ACSM2A: variants seen among roughly 807,000 people sequenced by gnomAD.
ACSM2A encodes acyl-coenzyme A synthetase ACSM2A, mitochondrial.
ACSM2A carries 72 observed loss-of-function variants against 76.6 expected under a neutral mutation model. That is an observed-to-expected ratio of 0.94 (90% confidence interval 0.78 to 1.14). The LOEUF (loss-of-function observed/expected upper bound fraction) is 1.14, where lower values mean the gene tolerates loss of function less well. Among genes scored for constraint, ACSM2A ranks in the 50% most tolerant of loss-of-function variants. The pLI, the probability that ACSM2A is intolerant of heterozygous loss-of-function variation, is 0.00. For missense variants in ACSM2A, 684 were observed against 708.5 expected (o/e 0.97, Z 0.39); for synonymous variants, 249 against 255.9 (o/e 0.97, Z 0.26).
intron 1 of ACSM2A, among the ~76,000 whole-genome samples, chr16:20,455,953 A>G (rs2012128481): frequency 6.6e-6 from 1 of 151,060 alleles, no homozygotes; most frequent in Non-Finnish European, 1.5e-5. Context: ...GGGGGTGGAA[A>G]AAGACATTCC....
intron 3 of ACSM2A, among the ~76,000 whole-genome samples, chr16:20,466,875 C>G (rs1054581806): frequency 3.9e-5 from 6 of 152,172 alleles, no homozygotes; most frequent in African/African-American, 1.4e-4. Flanking sequence ...GACTCCTGAA[C>G]TATAATTCTA....
chr16:20,475,920 T>C lies in ACSM2A; in HGVS notation c.1098+147T>C, dbSNP rs974398507. ...TCTATGAAGGGACAGGTACTGAGTA[T>C]TGAAAATTCCGCACAGAACAAAAAA... On this transcript the variant is annotated intron_variant, in intron 8 of 13. Coordinates refer to ENST00000573854, the MANE Select transcript of ACSM2A (RefSeq NM_001308172.2). The C allele has an allele frequency of 1.9e-4, 288 of 1,496,566 alleles. No homozygotes were observed. In the African/African-American group the frequency reaches 3.6e-3, roughly 18 times the overall value. The allele number at this position is 1,496,566 out of a possible 1,614,324, so 92.7% of individuals were successfully genotyped here. A position where few individuals can be genotyped will look rare whatever the true frequency, so the allele number is the denominator to read the frequency against.
At chr16:20,458,984 T>C (rs2141689689) in intron 1 of ACSM2A, among the ~76,000 whole-genome samples, 1 of 147,434 alleles carries the variant, frequency 6.8e-6, no homozygotes, top group Admixed American at 6.9e-5. Flanking sequence ...AATGACTTAG[T>C]GGCATTCGCA....
At chr16:20,463,983 C>T (rs192821049) in intron 2 of ACSM2A, among the ~76,000 whole-genome samples, 36 of 152,210 alleles carry the variant, frequency 2.4e-4, no homozygotes, top group Middle Eastern at 3.4e-3. Flanking sequence ...ATTACTCTTA[C>T]GTTAAAACTT....
intron 13 of ACSM2A, among the ~76,000 whole-genome samples, chr16:20,486,249 G>A (rs1452756786): frequency 6.6e-6 from 1 of 152,236 alleles, no homozygotes; most frequent in Non-Finnish European, 1.5e-5. Flanking sequence ...CAAGGACCTG[G>A]CTAAAGCCAG....
chr16:20,475,016 C>T (rs1205400390), intron 6 of ACSM2A, among the ~76,000 whole-genome samples: 1 of 152,176 alleles, frequency 6.6e-6, no homozygotes, highest in African/African-American at 2.4e-5. Flanking sequence ...TGTGCTCAGG[C>T]AGCTGATCTT....
At chr16:20,463,776 T>C (rs997505280) in intron 2 of ACSM2A, among the ~76,000 whole-genome samples, 1 of 152,328 alleles carries the variant, frequency 6.6e-6, no homozygotes, top group African/African-American at 2.4e-5. Flanking sequence ...AGTATTTGGT[T>C]TTTTGTGTCT....
chr16:20,463,628 A>T (rs2012773482), intron 2 of ACSM2A, among the ~76,000 whole-genome samples: 1 of 152,144 alleles, frequency 6.6e-6, no homozygotes, highest in Non-Finnish European at 1.5e-5. Flanking sequence ...AGCAGATGCC[A>T]GCACCATGCT....
At chr16:20,459,242 C>T (rs1402687093) in intron 1 of ACSM2A, among the ~76,000 whole-genome samples, 1 of 151,788 alleles carries the variant, frequency 6.6e-6, no homozygotes, top group Non-Finnish European at 1.5e-5. Flanking sequence ...GATGGGTGCA[C>T]AACAATGTCA....
At chr16:20,464,745 A>T (rs1247037736) in intron 2 of ACSM2A, among the ~76,000 whole-genome samples, 1 of 152,104 alleles carries the variant, frequency 6.6e-6, no homozygotes, top group African/African-American at 2.4e-5. Context: ...AAATTCATAG[A>T]GTCGGAAAGT....
At chr16:20,464,971 T>G (rs931983492) in intron 2 of ACSM2A, among the ~76,000 whole-genome samples, 1 of 151,112 alleles carries the variant, frequency 6.6e-6, no homozygotes, top group African/African-American at 2.4e-5. Flanking sequence ...TTAAAAAAAG[T>G]AAATAGATAG....
chr16:20,471,750 A>C, intron 6 of ACSM2A, 61 bp downstream of exon 6: 2 of 1,563,442 alleles, frequency 1.3e-6, no homozygotes, highest in Non-Finnish European at 1.7e-6. Context: ...GCACACTTCA[A>C]TTTATTGTAG....
Position 20,469,534 on chromosome 16 carries a change from C to G in ACSM2A, c.411C>G (p.Thr137=), listed in dbSNP as rs568184134. 6.2e-7 allele frequency: 1 copy of G among 1,613,254 alleles called. No homozygotes were observed. The highest frequency in any genetic ancestry group is 1.1e-5 in the South Asian group (1 of 91,044). Residue 137 remains threonine (T), a synonymous_variant, in exon 4 of 14, where the codon ACC becomes ACG. Transcript: ENST00000573854. ...TAGGTCTCATCTTTATGCCTGGAACCATCCAGATGAAATCCACTGACATAC... is the reference window on the plus strand; with the variant it reads ...TAGGTCTCATCTTTATGCCTGGAACGATCCAGATGAAATCCACTGACATAC... ...IRAGLIFMPG[T]IQMKSTDILY...
chr16:20,483,505 G>A (rs1378719956), intron 13 of ACSM2A, among the ~76,000 whole-genome samples: 1 of 128,350 alleles, frequency 7.8e-6, no homozygotes, highest in Non-Finnish European at 1.6e-5. Flanking sequence ...GGGAGGTGGA[G>A]GTTACAGTGA....
intron 2 of ACSM2A, among the ~76,000 whole-genome samples, chr16:20,462,090 A>C (rs2012657935): frequency 6.6e-6 from 1 of 152,162 alleles, no homozygotes; most frequent in South Asian, 2.1e-4. Flanking sequence ...CTTTTCCAGA[A>C]TGCAAATGTC....
At chr16:20,461,509 T>A (rs567723247) in intron 2 of ACSM2A, among the ~76,000 whole-genome samples, 39 of 152,162 alleles carry the variant, frequency 2.6e-4, no homozygotes, top group Non-Finnish European at 3.1e-4. Flanking sequence ...AATAACACCA[T>A]TAGCAAAATA....
rs111396853 is a variant in ACSM2A at position 20,483,257 on chromosome 16, G to C, written c.1629+80G>C. On this transcript the variant is annotated intron_variant, in intron 13 of 13. Transcript: ENST00000573854. ...GTTATATTTATCTTCTTCAGGAGGA[G>C]GACAGTCCTCTAATTTTAAAAAGTC... 0.011 allele frequency: 17,562 copies of C among 1,572,886 alleles called. 1,200 individuals carry two copies. The African/African-American group carries it at 0.17, about 15-fold the overall frequency.
intron 1 of ACSM2A, among the ~76,000 whole-genome samples, chr16:20,452,765 C>A: frequency 6.7e-6 from 1 of 150,298 alleles, no homozygotes; most frequent in Non-Finnish European, 1.5e-5. Context: ...TGATTAGACC[C>A]CAAAATACTA....
chr16:20,477,011 G>T, intron 8 of ACSM2A: 1 of 193,806 alleles, frequency 5.2e-6, no homozygotes, highest in Non-Finnish European at 1.0e-5. Flanking sequence ...AATAAAAGTA[G>T]TATATTTTAG....
Sources: gnomAD v4.1 joint callset for allele counts (sites outside exome capture counted in the v4.1 genomes callset) on GRCh38, gnomAD v4.1.1 for gene constraint, MANE v1.5 for transcripts, NCBI Gene and HGNC (gene_info 2026-07-23, HGNC 2026-07-21) for gene names.